NCAM1: variants seen among roughly 807,000 people sequenced by gnomAD.
The protein encoded by NCAM1 is antigen recognized by monoclonal antibody 5.1H11.
In NCAM1, 14 loss-of-function variants were observed where a neutral mutation model predicts 109.8. That is an observed-to-expected ratio of 0.13 (90% CI 0.08 to 0.20). The LOEUF is 0.20. Among genes scored for constraint, NCAM1 ranks in the 10% least tolerant of loss-of-function variants. The pLI is 1.00. For missense variants in NCAM1, 774 were observed against 1,109.9 expected, an observed-to-expected ratio of 0.70 and a Z score of 4.30; for synonymous variants, 418 against 442.9, an observed-to-expected ratio of 0.94 and a Z score of 0.70.
chr11:113,220,321 T>C (rs1277399396), intron 8 of NCAM1, among the ~76,000 whole-genome samples: 2 of 152,140 alleles, frequency 1.3e-5, no homozygotes, highest in African/African-American at 4.8e-5. Flanking sequence ...CCACATACCA[T>C]CTGTGCATTC....
intron 15 of NCAM1, among the ~76,000 whole-genome samples, chr11:113,251,475 A>C (rs1945675257): frequency 6.6e-6 from 1 of 152,220 alleles, no homozygotes; most frequent in African/African-American, 2.4e-5. Flanking sequence ...ATATCTGACT[A>C]TATGTGGCCT....
chr11:113,215,954 G>T (rs1001724603), intron 8 of NCAM1, among the ~76,000 whole-genome samples: 1 of 152,184 alleles, frequency 6.6e-6, no homozygotes, highest in Non-Finnish European at 1.5e-5. Context: ...TTTGTCCAGA[G>T]TGACCCAGTG....
chr11:113,211,671 A>T (rs1420227720), intron 7 of NCAM1, among the ~76,000 whole-genome samples: 1 of 152,196 alleles, frequency 6.6e-6, no homozygotes, highest in Non-Finnish European at 1.5e-5. Context: ...CTGTGTCTCA[A>T]GCAGCCCCTG....
rs916193443 is a variant in NCAM1 at position 113,277,051 on chromosome 11, C to T, written c.*1664C>T. ...AAAAATATTCAGGAAACAAAAATCA[C>T]TCAAACGGAATCGAAGCCTTTTAAC... On this transcript the variant is annotated 3_prime_UTR_variant, in exon 20 of 20. Transcript: ENST00000316851. The T allele has an allele frequency of 2.0e-5, 6 of 305,070 alleles. No individual in the cohort carries two copies. The highest frequency in any genetic ancestry group is 1.3e-4 in the African/African-American group (6 of 46,688). The allele number at this position is 305,070 out of a possible 1,614,324, so 18.9% of individuals were successfully genotyped here.
intron 1 of NCAM1, among the ~76,000 whole-genome samples, chr11:113,050,121 G>A (rs1451279490): frequency 7.0e-6 from 1 of 142,190 alleles, no homozygotes; most frequent in Non-Finnish European, 1.5e-5. Context: ...GGTGTGGGGT[G>A]GGGGGCAGAA....
At chr11:113,152,980 A>G (rs1252317642) in intron 1 of NCAM1, among the ~76,000 whole-genome samples, 1 of 152,226 alleles carries the variant, frequency 6.6e-6, no homozygotes, top group African/African-American at 2.4e-5. Flanking sequence ...GGGTCGAGCC[A>G]GACAGATTCA....
At chr11:113,224,440 C>T (rs1565511095) in intron 9 of NCAM1, among the ~76,000 whole-genome samples, 1 of 152,358 alleles carries the variant, frequency 6.6e-6, no homozygotes, top group South Asian at 2.1e-4. Flanking sequence ...CCAGGAAGCT[C>T]GAACTGGGTG....
In NCAM1 at chr11:113,221,330, A is replaced by C; in HGVS notation, c.1089+5A>C. On this transcript the variant is annotated splice_donor_5th_base_variant and intron_variant, in intron 9 of 19. Transcript: ENST00000316851. Reference sequence around the variant, plus strand: ...ACTCGACCAGAGAAGCAAGAGGTATAGCTTACCTGACCACTAGCCAGTCTT... The same window carrying C: ...ACTCGACCAGAGAAGCAAGAGGTATCGCTTACCTGACCACTAGCCAGTCTT... The C allele has an allele frequency of 1.3e-6, 2 of 1,567,732 alleles. No homozygotes were observed. The highest frequency in any genetic ancestry group is 2.3e-5 in the South Asian group (2 of 85,194).
chr11:113,107,739 T>C (rs1435821017), intron 1 of NCAM1, among the ~76,000 whole-genome samples: 5 of 152,108 alleles, frequency 3.3e-5, no homozygotes, highest in Non-Finnish European at 7.3e-5. Context: ...CCACAATATG[T>C]GGGAATTATG....
chr11:113,141,748 G>T (rs781890184), intron 1 of NCAM1, among the ~76,000 whole-genome samples: 1 of 152,072 alleles, frequency 6.6e-6, no homozygotes, highest in African/African-American at 2.4e-5. Flanking sequence ...GTAGTGAGCC[G>T]CCTTGCATAC....
At chr11:113,178,722 C>T (rs1408650003) in intron 1 of NCAM1, among the ~76,000 whole-genome samples, 5 of 152,232 alleles carry the variant, frequency 3.3e-5, no homozygotes, top group African/African-American at 1.2e-4. Flanking sequence ...GGCACATAAG[C>T]TCCCTGGTTG....
At position 113,275,370 on chromosome 11, in the gene NCAM1, A is replaced by G; in HGVS notation, c.2560A>G (p.Asn854Asp). The G allele has an allele frequency of 1.2e-6, 2 of 1,613,084 alleles. No individual in the cohort carries two copies. Among genetic ancestry groups the G allele is most frequent in the Non-Finnish European group, 1.7e-6 (2 of 1,179,484 alleles). The change falls in exon 20 of 20, where the codon AAC (asparagine) becomes GAC (aspartate). Residue 854 changes from asparagine (N) to aspartate (D), a missense_variant. This residue lies in a region of NCAM1 where 122 missense variants were observed against 129.7 expected (regional missense o/e 0.94). Coordinates refer to ENST00000316851, the MANE Select transcript of NCAM1 (RefSeq NM_181351.5). Reference sequence around the variant, plus strand: ...CAATGACGCCACACAGACAAAGGAGAACGAGAGCAAAGCATGATGGGTGAA... The same window carrying G: ...CAATGACGCCACACAGACAAAGGAGGACGAGAGCAAAGCATGATGGGTGAA... ...VPNDATQTKENESKA is the reference protein window; with the variant it reads ...VPNDATQTKEDESKA
Position 113,272,100 on chromosome 11 carries a change from ATAAGTAGGGATCCCTGGATCC to A in NCAM1, c.2456+225_2456+245del, listed in dbSNP as rs537756244. ...GTGGGTACCCTTAGAAGGCTCCTGT[ATAAGTAGGGATCCCTGGATCC>A]CTAGCCCCTGTTCTCAAGTTATACA... On this transcript the variant is annotated intron_variant, in intron 19 of 19. Coordinates refer to ENST00000316851, the MANE Select transcript of NCAM1 (RefSeq NM_181351.5). 1.6e-3 allele frequency among the ~76,000 whole-genome samples: 238 copies of A among 152,214 alleles called. 1 individual carries two copies. The highest frequency in any genetic ancestry group is 5.6e-3 in the African/African-American group (233 of 41,542).
chr11:112,965,531 C>G (rs1191085010), intron 1 of NCAM1, among the ~76,000 whole-genome samples: 2 of 152,152 alleles, frequency 1.3e-5, no homozygotes, highest in Non-Finnish European at 2.9e-5. Context: ...TTTTGTCACT[C>G]AAAAGCTAAT....
At chr11:113,018,208 A>G (rs556029689) in intron 1 of NCAM1, among the ~76,000 whole-genome samples, 87 of 152,308 alleles carry the variant, frequency 5.7e-4, no homozygotes, top group African/African-American at 1.9e-3. Flanking sequence ...ACATTACACA[A>G]AATTTACCAT....
chr11:113,074,988 A>C (rs1938464408), intron 1 of NCAM1, among the ~76,000 whole-genome samples: 1 of 152,166 alleles, frequency 6.6e-6, no homozygotes. Context: ...CATGTGGCTC[A>C]TGGCTACATG....
intron 1 of NCAM1, among the ~76,000 whole-genome samples, chr11:112,997,605 T>A (rs1314935166): frequency 6.6e-6 from 1 of 152,134 alleles, no homozygotes; most frequent in Non-Finnish European, 1.5e-5. Context: ...TATTAGATAA[T>A]AAGATACACG....
intron 1 of NCAM1, among the ~76,000 whole-genome samples, chr11:113,078,766 C>T (rs1189240882): frequency 6.6e-6 from 1 of 152,164 alleles, no homozygotes; most frequent in African/African-American, 2.4e-5. Flanking sequence ...CTAATCACAG[C>T]TGACTTGAGC....
intron 1 of NCAM1, among the ~76,000 whole-genome samples, chr11:113,096,447 G>A (rs1421432430): frequency 6.6e-6 from 1 of 152,118 alleles, no homozygotes; most frequent in Non-Finnish European, 1.5e-5. Flanking sequence ...TATGGTAAAG[G>A]TATACACAGG....
Sources: gnomAD v4.1 joint callset for allele counts (sites outside exome capture counted in the v4.1 genomes callset) on GRCh38, gnomAD v4.1.1 for gene constraint, gnomAD v4.1.1 regional missense constraint, MANE v1.5 for transcripts, NCBI Gene and HGNC (gene_info 2026-07-23, HGNC 2026-07-21) for gene names.